The following HNRNPLL variants were observed in gnomAD, a reference collection of about 807,000 sequenced individuals.
HNRNPLL encodes heterogeneous nuclear ribonucleoprotein L like.
Under a neutral mutation model 67.1 loss-of-function variants are expected in HNRNPLL, and 25 were observed. That is an observed-to-expected ratio of 0.37 (90% CI 0.27 to 0.52). HNRNPLL has a LOEUF of 0.52. HNRNPLL is among the 20% of genes least tolerant of loss of function. The pLI is 0.90. For missense variants in HNRNPLL, 542 were observed against 673.9 expected, an observed-to-expected ratio of 0.80 and a Z score of 2.17; for synonymous variants, 267 against 241.7, an observed-to-expected ratio of 1.10 and a Z score of -0.97.
chr2:38,601,208 C>T (rs1439102274), intron 1 of HNRNPLL, among the ~76,000 whole-genome samples: 2 of 152,170 alleles, frequency 1.3e-5, no homozygotes, highest in East Asian at 3.8e-4. Flanking sequence ...CGTAACAAGA[C>T]TGAGAGAAAA....
intron 12 of HNRNPLL, among the ~76,000 whole-genome samples, chr2:38,564,988 A>C (rs1665801065): frequency 6.6e-6 from 1 of 151,024 alleles, no homozygotes; most frequent in African/African-American, 2.4e-5. Context: ...ATAAGTTTTG[A>C]AATTACTGAA....
At chr2:38,596,459 T>G (rs1047650321) in intron 1 of HNRNPLL, among the ~76,000 whole-genome samples, 5 of 152,062 alleles carry the variant, frequency 3.3e-5, no homozygotes, top group African/African-American at 1.2e-4. Flanking sequence ...GGTTTCACCA[T>G]TTTTGCCAGG....
intron 1 of HNRNPLL, among the ~76,000 whole-genome samples, chr2:38,600,737 G>A (rs1667399677): frequency 1.3e-5 from 2 of 149,566 alleles, no homozygotes; most frequent in African/African-American, 5.0e-5. Flanking sequence ...GGGCCATAGA[G>A]TGAGATCCTC....
chr2:38,572,211 A>T (rs1314719740), intron 8 of HNRNPLL, among the ~76,000 whole-genome samples: 3 of 131,756 alleles, frequency 2.3e-5, no homozygotes. Context: ...CCAAATGTGG[A>T]ATGTTTTGTT....
chr2:38,565,691 T>C (rs935014597), intron 12 of HNRNPLL, among the ~76,000 whole-genome samples: 6 of 133,486 alleles, frequency 4.5e-5, no homozygotes, highest in African/African-American at 1.8e-4. Flanking sequence ...ATTGCACCAC[T>C]GCATTCCAGG....
At chr2:38,593,140 T>C (rs1322276041) in intron 1 of HNRNPLL, among the ~76,000 whole-genome samples, 2 of 152,256 alleles carry the variant, frequency 1.3e-5, no homozygotes, top group Non-Finnish European at 2.9e-5. Flanking sequence ...TTGAATTGCT[T>C]ATGCTCCGTC....
Position 38,602,751 on chromosome 2 carries a change from C to G in HNRNPLL, c.-125G>C. 6.6e-7 allele frequency: 1 copy of G among 1,508,296 alleles called. No individual in the cohort carries two copies. The highest frequency in any genetic ancestry group is 2.2e-5 in the Admixed American group (1 of 46,494). The allele number at this position is 1,508,296 out of a possible 1,614,324, so 93.4% of individuals were successfully genotyped here. A position where few individuals can be genotyped will look rare whatever the true frequency, so the allele number is the denominator to read the frequency against. ...TCTGCGAGGGTCTCCGCGGCCCGGCCGTCCGCGGGGACTGCGCGGCCAGGA... is the reference window on the plus strand; with the variant it reads ...TCTGCGAGGGTCTCCGCGGCCCGGCGGTCCGCGGGGACTGCGCGGCCAGGA... On this transcript the variant is annotated 5_prime_UTR_variant, in exon 1 of 13. Coordinates refer to ENST00000449105, the MANE Select transcript of HNRNPLL (RefSeq NM_138394.4).
intron 12 of HNRNPLL, 47 bp downstream of exon 12, chr2:38,568,152 G>A: frequency 8.9e-7 from 1 of 1,121,348 alleles, no homozygotes; most frequent in East Asian, 2.4e-5. Context: ...TTCTGTGATG[G>A]TAACTGCCAC....
At chr2:38,589,996 T>A (rs952879197) in intron 2 of HNRNPLL, among the ~76,000 whole-genome samples, 2 of 152,212 alleles carry the variant, frequency 1.3e-5, no homozygotes, top group African/African-American at 4.8e-5. Flanking sequence ...ACTAAAGGTC[T>A]AAGGAGTCTG....
At chr2:38,580,698 G>A (rs1187068535) in intron 6 of HNRNPLL, among the ~76,000 whole-genome samples, 1 of 152,134 alleles carries the variant, frequency 6.6e-6, no homozygotes, top group African/African-American at 2.4e-5. Flanking sequence ...TTCCAGAATT[G>A]CCACACAGTT....
chr2:38,588,546 C>CAAAAAAAAAAAAAAAAAAAAAAAA (rs70954733), intron 2 of HNRNPLL, among the ~76,000 whole-genome samples: 1 of 51,018 alleles, frequency 2.0e-5, no homozygotes, highest in African/African-American at 5.5e-5. Context: ...AACTCCATCT[C>CAAAAAAAAAAAAAAAAAAAAAAAA]AAAAAAAAAA....
At chr2:38,596,196 T>C (rs147157338) in intron 1 of HNRNPLL, among the ~76,000 whole-genome samples, 2 of 152,296 alleles carry the variant, frequency 1.3e-5, no homozygotes, top group East Asian at 1.9e-4. Context: ...AAAATACTCA[T>C]ACTGTTCTTA....
At chr2:38,576,683 C>T (rs1469012653) in intron 7 of HNRNPLL, among the ~76,000 whole-genome samples, 1 of 151,760 alleles carries the variant, frequency 6.6e-6, no homozygotes, top group Non-Finnish European at 1.5e-5. Flanking sequence ...TAGGCAATAC[C>T]AGGTGCTTTT....
At chr2:38,574,474 A>G (rs954557982) in intron 7 of HNRNPLL, among the ~76,000 whole-genome samples, 3 of 151,878 alleles carry the variant, frequency 2.0e-5, no homozygotes, top group Admixed American at 6.6e-5. Context: ...TCCTTTCTCT[A>G]TTTCTCAAGA....
chr2:38,566,553 T>A (rs1276260792), intron 12 of HNRNPLL, among the ~76,000 whole-genome samples: 1 of 152,128 alleles, frequency 6.6e-6, no homozygotes. Context: ...TGCTGAGCAA[T>A]GAATATTTTC....
chr2:38,601,621 T>C (rs1047140393), intron 1 of HNRNPLL: 2 of 152,336 alleles, frequency 1.3e-5, no homozygotes, highest in South Asian at 4.1e-4. Context: ...CCCCCTAACA[T>C]TTCTGGTAAG....
intron 3 of HNRNPLL, among the ~76,000 whole-genome samples, chr2:38,585,433 G>A (rs1319674999): frequency 1.3e-5 from 2 of 152,094 alleles, no homozygotes; most frequent in Non-Finnish European, 2.9e-5. Context: ...AAATTTCAAT[G>A]TGCCTATTTA....
At chr2:38,580,281 T>C (rs1031767279) in intron 6 of HNRNPLL, among the ~76,000 whole-genome samples, 2 of 152,210 alleles carry the variant, frequency 1.3e-5, no homozygotes, top group Middle Eastern at 6.3e-3. Context: ...TGACATCAAC[T>C]GTACCAACCC....
intron 1 of HNRNPLL, among the ~76,000 whole-genome samples, chr2:38,595,476 TCTC>T (rs1203209677): frequency 6.6e-6 from 1 of 151,798 alleles, no homozygotes; most frequent in African/African-American, 2.4e-5. Flanking sequence ...TCAAAAAAAA[TCTC>T]CTTTTAATAT....
Sources: allele counts gnomAD v4.1 joint callset (sites outside exome capture counted in the v4.1 genomes callset), GRCh38; gene constraint gnomAD v4.1.1; transcripts MANE v1.5; gene names NCBI Gene and HGNC (gene_info 2026-07-23, HGNC 2026-07-21).